The following CD226 variants were observed in gnomAD, a reference collection of about 807,000 sequenced individuals.
The protein encoded by CD226 is CD226 antigen.
A neutral mutation model predicts 34.9 loss-of-function variants in CD226; 24 were observed. That is an observed-to-expected ratio of 0.69 (90% CI 0.50 to 0.97). The LOEUF is 0.97. Ranked by LOEUF, CD226 falls within the 50% of genes least tolerant of loss-of-function variation. The pLI is 0.00. For missense variants in CD226, 397 were observed against 412.7 expected (o/e 0.96, Z 0.33); for synonymous variants, 148 against 147.4 (o/e 1.00, Z -0.03).
At chr18:69,959,217 A>G (rs2055918347), upstream of CD226, among the ~76,000 whole-genome samples, 2 of 152,342 alleles carry the variant, frequency 1.3e-5, no homozygotes, top group South Asian at 4.1e-4. Context: ...AAATTGCCCT[A>G]TCCCTCCAGA....
upstream of CD226, among the ~76,000 whole-genome samples, chr18:69,949,682 C>T (rs561186660): frequency 7.9e-5 from 12 of 152,264 alleles, no homozygotes; most frequent in East Asian, 2.3e-3. Context: ...TGCACTCACA[C>T]ACACATGCAG....
chr18:69,926,305 C>A (rs765290340), intron 2 of CD226, among the ~76,000 whole-genome samples: 5 of 152,060 alleles, frequency 3.3e-5, no homozygotes, highest in Non-Finnish European at 7.4e-5. Context: ...GACCTTTGCA[C>A]TTGCTATTCC....
chr18:69,920,792 A>G (rs1269283054), intron 2 of CD226, among the ~76,000 whole-genome samples: 1 of 152,246 alleles, frequency 6.6e-6, no homozygotes, highest in Non-Finnish European at 1.5e-5. Context: ...AGACAGAGTC[A>G]GTATTTGAAC....
intron 2 of CD226, among the ~76,000 whole-genome samples, chr18:69,918,205 T>A (rs1275415337): frequency 2.0e-5 from 3 of 152,192 alleles, no homozygotes; most frequent in Non-Finnish European, 4.4e-5. Flanking sequence ...CTACTTCAAT[T>A]ACAAATTCAG....
upstream of CD226, among the ~76,000 whole-genome samples, chr18:69,959,824 G>A (rs1327864852): frequency 6.6e-6 from 1 of 152,154 alleles, no homozygotes; most frequent in East Asian, 1.9e-4. Flanking sequence ...ATATGGCACA[G>A]CCAGGCATGA....
At chr18:69,904,067 G>T (rs1443485079) in intron 2 of CD226, among the ~76,000 whole-genome samples, 1 of 152,102 alleles carries the variant, frequency 6.6e-6, no homozygotes, top group African/African-American at 2.4e-5. Context: ...AAAAGGTAAA[G>T]GACCAAACAA....
At chr18:69,927,253 CTTTGG>C (rs970462342) in intron 2 of CD226, among the ~76,000 whole-genome samples, 5 of 152,034 alleles carry the variant, frequency 3.3e-5, no homozygotes, top group Non-Finnish European at 7.4e-5. Context: ...TTTGCTCGTG[CTTTGG>C]TCTTGGACTT....
Position 69,856,678 on chromosome 18 carries a change from G to C in CD226, c.*7636C>G, listed in dbSNP as rs1982619447. 1 of 152,058 alleles carries C rather than the reference G, an allele frequency of 6.6e-6. No homozygotes were observed. Among genetic ancestry groups the C allele is most frequent in the Admixed American group, 6.5e-5 (1 of 15,274 alleles). The allele number at this position is 152,058 out of a possible 1,614,324, so 9.4% of individuals were successfully genotyped here. The stretch of plus-strand genomic sequence containing the variant: ...AAGTAGAAAAATCCCAAAATATATA[G>C]AGATTAAACAACACATTGTAAATAA... On this transcript the variant is annotated 3_prime_UTR_variant, in exon 6 of 6. Coordinates refer to ENST00000582621, the MANE Select transcript of CD226 (RefSeq NM_001303618.2).
At chr18:69,927,267 T>C (rs1270674478) in intron 2 of CD226, among the ~76,000 whole-genome samples, 1 of 152,094 alleles carries the variant, frequency 6.6e-6, no homozygotes, top group Non-Finnish European at 1.5e-5. Flanking sequence ...GGTCTTGGAC[T>C]TCCTAGCCTC....
intron 2 of CD226, among the ~76,000 whole-genome samples, chr18:69,946,180 C>CAAAAAAAA (rs60750165): frequency 3.0e-5 from 2 of 66,376 alleles, no homozygotes; most frequent in African/African-American, 1.5e-4. Flanking sequence ...AAGACTCCAT[C>CAAAAAAAA]AAAAAAAAAA....
At position 69,855,905 on chromosome 18, in the gene CD226, AT is replaced by A. The variant is rs1412119473; in HGVS notation, c.*8408del. Reference sequence around the variant, plus strand: ...AAGATGAATGTTAGAGGTGACAGATATCACGATTACCCAATATGATCATTAC... The same window carrying A: ...AAGATGAATGTTAGAGGTGACAGATACACGATTACCCAATATGATCATTAC... On this transcript the variant is annotated 3_prime_UTR_variant, in exon 6 of 6. Coordinates refer to ENST00000582621, the MANE Select transcript of CD226 (RefSeq NM_001303618.2). 6.6e-6 allele frequency: 1 copy of A among 152,176 alleles called. No individual in the cohort carries two copies. Among genetic ancestry groups the A allele is most frequent in the Non-Finnish European group, 1.5e-5 (1 of 68,006 alleles). The allele number at this position is 152,176 out of a possible 1,614,324, so 9.4% of individuals were successfully genotyped here.
chr18:69,858,721 T>A lies in CD226; in HGVS notation c.*5593A>T, dbSNP rs1263174867. 2 of 108,198 alleles carry A rather than the reference T, an allele frequency of 1.8e-5. No homozygotes were observed. Among genetic ancestry groups the A allele is most frequent in the African/African-American group, 7.2e-5 (2 of 27,890 alleles). The allele number at this position is 108,198 out of a possible 1,614,324, so 6.7% of individuals were successfully genotyped here. ...ACCCCTATGTTCAAATACTTAACTT[T>A]TTTTTTTTTTTTTTTTTTTTTTTTT... On this transcript the variant is annotated 3_prime_UTR_variant, in exon 6 of 6. Coordinates refer to ENST00000582621, the MANE Select transcript of CD226 (RefSeq NM_001303618.2).
chr18:69,903,970 A>G (rs1244908040), intron 2 of CD226, among the ~76,000 whole-genome samples: 5 of 152,142 alleles, frequency 3.3e-5, no homozygotes, highest in Admixed American at 3.3e-4. Flanking sequence ...CAGAAGCAGC[A>G]AGTCCATCCT....
At chr18:69,901,769 C>T (rs921635031) in intron 2 of CD226, among the ~76,000 whole-genome samples, 1 of 151,918 alleles carries the variant, frequency 6.6e-6, no homozygotes, top group African/African-American at 2.4e-5. Context: ...GTCCCAGCTA[C>T]TCAGGAGGCT....
At chr18:69,868,766 T>C (rs1403772492) in intron 4 of CD226, among the ~76,000 whole-genome samples, 1 of 151,620 alleles carries the variant, frequency 6.6e-6, no homozygotes, top group African/African-American at 2.4e-5. Flanking sequence ...CAGGCCCAAA[T>C]GCACGCACAT....
chr18:69,932,331 A>G (rs1024062712), intron 2 of CD226, among the ~76,000 whole-genome samples: 3 of 152,204 alleles, frequency 2.0e-5, no homozygotes, highest in Non-Finnish European at 2.9e-5. Context: ...TGACACGACA[A>G]TGTAACTAGA....
At chr18:69,939,421 C>T (rs1022822854) in intron 2 of CD226, among the ~76,000 whole-genome samples, 9 of 152,202 alleles carry the variant, frequency 5.9e-5, no homozygotes, top group African/African-American at 1.7e-4. Flanking sequence ...TCATCCATGT[C>T]GGTGAGCAAG....
At chr18:69,891,173 C>T (rs1033892802) in intron 3 of CD226, among the ~76,000 whole-genome samples, 1 of 151,948 alleles carries the variant, frequency 6.6e-6, no homozygotes, top group Non-Finnish European at 1.5e-5. Context: ...GATGGTTCAA[C>T]ATATGTAAAT....
chr18:69,870,180 A>G (rs951634992), intron 4 of CD226, among the ~76,000 whole-genome samples: 3 of 152,016 alleles, frequency 2.0e-5, no homozygotes, highest in Non-Finnish European at 4.4e-5. Context: ...TTCACAAGGA[A>G]TGTAAAAATA....
Sources: gnomAD v4.1 joint callset for allele counts (sites outside exome capture counted in the v4.1 genomes callset) on GRCh38, gnomAD v4.1.1 for gene constraint, MANE v1.5 for transcripts, NCBI Gene and HGNC (gene_info 2026-07-23, HGNC 2026-07-21) for gene names.